ABCD3: variants seen among roughly 807,000 people sequenced by gnomAD.
The protein encoded by ABCD3 is ATP binding cassette subfamily D member 3, also known as ATP-binding cassette sub-family D member 3.
ABCD3 carries 41 observed loss-of-function variants against 105.5 expected under a neutral mutation model. That is an observed-to-expected ratio of 0.39 (90% CI 0.30 to 0.50). ABCD3 has a LOEUF of 0.50. ABCD3 is among the 20% of genes least tolerant of loss of function. ABCD3 has a pLI of 0.84. For synonymous variants in ABCD3, 258 were observed against 269.0 expected (o/e 0.96, Z 0.40); for missense variants, 622 against 806.3 (o/e 0.77, Z 2.77).
In ABCD3 at chr1:94,458,598, C is replaced by T. The variant is rs759469382; in HGVS notation, c.111-9C>T. ...AGTAAAGCTCTCTCTCTCTTTTTTT[C>T]CTCTGCAGTAAGAAAAGTGGAAAAC... On this transcript the variant is annotated splice_polypyrimidine_tract_variant and intron_variant, in intron 1 of 22. Coordinates refer to ENST00000370214, the MANE Select transcript of ABCD3 (RefSeq NM_002858.4). The T allele has an allele frequency of 2.4e-5, 39 of 1,609,644 alleles. No homozygotes were observed. In the South Asian group the frequency reaches 4.3e-4, roughly 18 times the overall value.
At chr1:94,456,296 A>T (rs1316900442) in intron 1 of ABCD3, among the ~76,000 whole-genome samples, 1 of 91,470 alleles carries the variant, frequency 1.1e-5, no homozygotes, top group Admixed American at 1.9e-4. Flanking sequence ...TTTTTTGGAG[A>T]CGGAGTCTTG....
the ABCD3 span, among the ~76,000 whole-genome samples, chr1:94,403,032 C>G: frequency 6.8e-6 from 1 of 147,890 alleles, no homozygotes; most frequent in Non-Finnish European, 1.5e-5. Flanking sequence ...CAATTCCCAC[C>G]TATGAGTGAG....
intron 1 of ABCD3, among the ~76,000 whole-genome samples, chr1:94,440,386 G>A (rs1660087214): frequency 6.6e-6 from 1 of 152,086 alleles, no homozygotes; most frequent in Non-Finnish European, 1.5e-5. Flanking sequence ...TGTTCCTATG[G>A]TCTCACATAG....
Position 94,499,517 on chromosome 1 carries a change from A to G in ABCD3, c.1643A>G (p.Asn548Ser). The change falls in exon 20 of 23, where the codon AAT (asparagine) becomes AGT (serine). Residue 548 changes from asparagine to serine, a missense_variant. Physicochemically the swap from Asn to Ser is conservative, Grantham distance 46. This residue lies in a region of ABCD3 where 285 missense variants were observed against 352.5 expected (regional missense o/e 0.81). Coordinates refer to ENST00000370214, the MANE Select transcript of ABCD3 (RefSeq NM_002858.4). ...SDLVLKEYLD[N>S]VQLGHILERE... ...AAGGTACTGAAGGAATACTTAGACA[A>G]TGTCCAGTTGGGTCATATCCTTGAA... 3 of 1,613,636 alleles carry G rather than the reference A, an allele frequency of 1.9e-6. No homozygotes were observed. Among genetic ancestry groups the G allele is most frequent in the African/African-American group, 1.3e-5 (1 of 75,022 alleles).
At chr1:94,385,661 G>A in the ABCD3 span, among the ~76,000 whole-genome samples, 8 of 152,282 alleles carry the variant, frequency 5.3e-5, no homozygotes, top group African/African-American at 1.7e-4. Context: ...GAAAATATGC[G>A]TAGCTAATCT....
chr1:94,476,583 T>C (rs1026870921), intron 7 of ABCD3, among the ~76,000 whole-genome samples: 8 of 152,164 alleles, frequency 5.3e-5, no homozygotes, highest in Non-Finnish European at 1.2e-4. Context: ...TATACAGTTT[T>C]GAGACAAAAG....
At chr1:94,410,769 G>A in the ABCD3 span, among the ~76,000 whole-genome samples, 22 of 152,212 alleles carry the variant, frequency 1.4e-4, no homozygotes, top group East Asian at 2.5e-3. Context: ...TAAATGGAAC[G>A]GACTCCATAA....
intron 20 of ABCD3, among the ~76,000 whole-genome samples, chr1:94,501,625 A>G (rs1321851849): frequency 6.6e-6 from 1 of 152,194 alleles, no homozygotes; most frequent in African/African-American, 2.4e-5. Flanking sequence ...TAGAACAGTG[A>G]GTCAGCCAGG....
the ABCD3 span, among the ~76,000 whole-genome samples, chr1:94,385,283 C>T: frequency 6.6e-6 from 1 of 152,094 alleles, no homozygotes; most frequent in Non-Finnish European, 1.5e-5. Flanking sequence ...ACTGGCATTC[C>T]AGGAAGTCTA....
At chr1:94,407,071 T>C in the ABCD3 span, among the ~76,000 whole-genome samples, 1 of 152,086 alleles carries the variant, frequency 6.6e-6, no homozygotes, top group Admixed American at 6.5e-5. Context: ...CCTCATAGGA[T>C]TTTTTTCTTA....
intron 20 of ABCD3, 55 bp from the exon 21 acceptor site, chr1:94,506,482 CT>C (rs1650356728): frequency 2.0e-6 from 2 of 1,020,068 alleles, no homozygotes; most frequent in East Asian, 4.8e-5. Flanking sequence ...TTTGTTTCGG[CT>C]TACTAATTTT....
the ABCD3 span, among the ~76,000 whole-genome samples, chr1:94,394,432 G>A: frequency 6.6e-6 from 1 of 152,202 alleles, no homozygotes; most frequent in Non-Finnish European, 1.5e-5. Context: ...CATTTTCCAT[G>A]TCAGTATCTG....
At chr1:94,449,477 A>G (rs558631585) in intron 1 of ABCD3, among the ~76,000 whole-genome samples, 1 of 152,330 alleles carries the variant, frequency 6.6e-6, no homozygotes, top group East Asian at 1.9e-4. Flanking sequence ...CATATTTATC[A>G]ATCTTGGCTG....
intron 1 of ABCD3, among the ~76,000 whole-genome samples, chr1:94,422,344 T>C (rs1289781658): frequency 6.6e-6 from 1 of 152,156 alleles, no homozygotes; most frequent in Non-Finnish European, 1.5e-5. Flanking sequence ...AAACTGCACA[T>C]GTGAGGGATC....
chr1:94,411,696 AC>A, the ABCD3 span, among the ~76,000 whole-genome samples: 1 of 152,216 alleles, frequency 6.6e-6, no homozygotes, highest in African/African-American at 2.4e-5. Context: ...ATGTACATTC[AC>A]GTTCATTGTA....
chr1:94,402,658 G>A, the ABCD3 span, among the ~76,000 whole-genome samples: 5 of 151,956 alleles, frequency 3.3e-5, no homozygotes, highest in Non-Finnish European at 5.9e-5. Flanking sequence ...CCCCCTTCAC[G>A]CTCTAATCTA....
chr1:94,499,414 T>A, intron 19 of ABCD3, 81 bp from the exon 20 acceptor site: 3 of 1,396,912 alleles, frequency 2.1e-6, no homozygotes, highest in South Asian at 2.4e-5. Context: ...ATTATAGTGA[T>A]TCCAGTTTAA....
chr1:94,470,334 A>G (rs1402237769), intron 4 of ABCD3, among the ~76,000 whole-genome samples: 1 of 152,206 alleles, frequency 6.6e-6, no homozygotes, highest in Admixed American at 6.5e-5. Flanking sequence ...TTTAAGAATT[A>G]TGAATGTCTG....
intron 21 of ABCD3, among the ~76,000 whole-genome samples, chr1:94,513,280 T>A (rs1650769752): frequency 6.6e-6 from 1 of 152,098 alleles, no homozygotes; most frequent in Non-Finnish European, 1.5e-5. Flanking sequence ...TAGTCTGCAG[T>A]TGATTCAATG....
Sources: gnomAD v4.1 joint callset for allele counts (sites outside exome capture counted in the v4.1 genomes callset) on GRCh38, gnomAD v4.1.1 for gene constraint, gnomAD v4.1.1 regional missense constraint, MANE v1.5 for transcripts, NCBI Gene and HGNC (gene_info 2026-07-23, HGNC 2026-07-21) for gene names.